Variants in ZNF891 observed in about 807,000 individuals in gnomAD.
The protein encoded by ZNF891 is zinc finger protein 891, also known as hCG1646157.
For synonymous variants in ZNF891, 199 were observed against 209.0 expected (o/e 0.95, Z 0.41); for missense variants, 589 against 632.7 (o/e 0.93, Z 0.74).
Position 133,121,811 on chromosome 12 carries a change from T to C in ZNF891, c.108A>G (p.Thr36=). The part of the protein sequence containing the change: ...EEERMIAVFL[T]TWLQEPMTFK... ...AAGTCATTGGTTCCTGTAACCAGGTTGTCAGAAATACAGCAATCATCCTTT... is the reference window on the plus strand; with the variant it reads ...AAGTCATTGGTTCCTGTAACCAGGTCGTCAGAAATACAGCAATCATCCTTT... The change falls in exon 2 of 2, where the codon ACA becomes ACG. Residue 36 remains threonine (T), a synonymous_variant. Coordinates refer to ENST00000537226, the MANE Select transcript of ZNF891 (RefSeq NM_001277291.2). The C allele has an allele frequency of 1.3e-6, 2 of 1,536,646 alleles. No homozygotes were observed. Among genetic ancestry groups the C allele is most frequent in the Non-Finnish European group, 1.7e-6 (2 of 1,146,854 alleles).
In ZNF891 at chr12:133,106,245, A is replaced by G; in HGVS notation, c.*14039T>C. Reference sequence around the variant, plus strand: ...CACCTTACTCGACATCAGAGCATCCATACAACCAAAACCCCGTATGAATGT... The same window carrying G: ...CACCTTACTCGACATCAGAGCATCCGTACAACCAAAACCCCGTATGAATGT... On this transcript the variant is annotated 3_prime_UTR_variant, in exon 2 of 2. Coordinates refer to ENST00000537226, the MANE Select transcript of ZNF891 (RefSeq NM_001277291.2). 6.2e-7 allele frequency: 1 copy of G among 1,614,248 alleles called. No homozygotes were observed. Among genetic ancestry groups the G allele is most frequent in the Non-Finnish European group, 8.5e-7 (1 of 1,180,044 alleles).
Position 133,106,023 on chromosome 12 carries a change from A to G in ZNF891, c.*14261T>C, listed in dbSNP as rs765990021. 6.2e-7 allele frequency: 1 copy of G among 1,614,198 alleles called. No individual in the cohort carries two copies. Among genetic ancestry groups the G allele is most frequent in the Non-Finnish European group, 8.5e-7 (1 of 1,180,034 alleles). ...GGGGAGAAACCTTATGAATGTACTG[A>G]GTGTGGAAAGGCCTTTAGCCGTGCC... is the stretch of plus-strand genomic sequence containing the variant. On this transcript the variant is annotated 3_prime_UTR_variant, in exon 2 of 2. Transcript: ENST00000537226.
At chr12:133,126,969 C>CTTTTTTTTT (rs543463648) in intron 1 of ZNF891, among the ~76,000 whole-genome samples, 1 of 88,674 alleles carries the variant, frequency 1.1e-5, no homozygotes, top group Non-Finnish European at 2.1e-5. Context: ...TACAGGAAAA[C>CTTTTTTTTT]TTTTTTTTTT....
chr12:133,127,121 G>A (rs942396299), intron 1 of ZNF891, among the ~76,000 whole-genome samples: 1 of 151,488 alleles, frequency 6.6e-6, no homozygotes, highest in East Asian at 2.0e-4. Context: ...CGGCCACCAC[G>A]CCCGGCTAAT....
At chr12:133,122,296 C>G in intron 1 of ZNF891, 1 of 904,224 alleles carries the variant, frequency 1.1e-6, no homozygotes. Context: ...AAAATGTAAA[C>G]TAAAGAGAAC....
At position 133,105,550 on chromosome 12, in the gene ZNF891, A is replaced by T. The variant is rs1470861099; in HGVS notation, c.*14734T>A. The T allele has an allele frequency of 1.9e-6, 3 of 1,610,274 alleles. No individual in the cohort carries two copies. The highest frequency in any genetic ancestry group is 1.7e-5 in the Admixed American group (1 of 58,964). ...GTGAGATCAAAGACTTTTCACCAAA[A>T]AATGTCATTTATGATGACTCATCCC... On this transcript the variant is annotated 3_prime_UTR_variant, in exon 2 of 2. Transcript: ENST00000537226.
rs1955718190 is a variant in ZNF891 at position 133,116,927 on chromosome 12, C to T, written c.*3357G>A. 1 of 152,260 alleles carries T rather than the reference C, an allele frequency of 6.6e-6. No individual in the cohort carries two copies. Among genetic ancestry groups the T allele is most frequent in the Admixed American group, 6.5e-5 (1 of 15,284 alleles). The allele number at this position is 152,260 out of a possible 1,614,324, so 9.4% of individuals were successfully genotyped here. A position where few individuals can be genotyped will look rare whatever the true frequency, so the allele number is the denominator to read the frequency against. The stretch of plus-strand genomic sequence containing the variant: ...GATCAGTATCTTCCTTACTCCCTAA[C>T]ACTGCTTCTAACCATTGCAGCCTGG... On this transcript the variant is annotated 3_prime_UTR_variant, in exon 2 of 2. Coordinates refer to ENST00000537226, the MANE Select transcript of ZNF891 (RefSeq NM_001277291.2).
rs1439829282 is a variant in ZNF891 at position 133,110,252 on chromosome 12, T to A, written c.*10032A>T. 1 of 151,986 alleles carries A rather than the reference T, an allele frequency of 6.6e-6. No homozygotes were observed. The highest frequency in any genetic ancestry group is 2.4e-5 in the African/African-American group (1 of 41,386). 9.4% of individuals were successfully genotyped at this position (151,986 alleles called of 1,614,324 possible). On this transcript the variant is annotated 3_prime_UTR_variant, in exon 2 of 2. Transcript: ENST00000537226. ...AGGAGGGAGACGTTTAAAAGATGAG[T>A]CTAGGAATATTGCAAAAGTAGTAAA...
intron 1 of ZNF891, chr12:133,125,570 G>A (rs1955806790): frequency 9.1e-6 from 2 of 220,108 alleles, no homozygotes; most frequent in African/African-American, 4.7e-5. Context: ...GTGGTGAAAG[G>A]TATTCACAGC....
At chr12:133,122,587 G>A (rs1363449662) in intron 1 of ZNF891, among the ~76,000 whole-genome samples, 1 of 152,128 alleles carries the variant, frequency 6.6e-6, no homozygotes, top group Non-Finnish European at 1.5e-5. Flanking sequence ...CACGCACTGG[G>A]GCCTGTCGGG....
rs781147648 is a variant in ZNF891, at chr12:133,106,256, AC to A, written c.*14027del. 1.2e-6 allele frequency: 2 copies of A among 1,613,990 alleles called. No homozygotes were observed. Among genetic ancestry groups the A allele is most frequent in the South Asian group, 2.2e-5 (2 of 91,064 alleles). ...ACATCAGAGCATCCATACAACCAAAACCCCGTATGAATGTAATGAATGTAGG... is the reference window on the plus strand; with the variant it reads ...ACATCAGAGCATCCATACAACCAAAACCCGTATGAATGTAATGAATGTAGG... On this transcript the variant is annotated 3_prime_UTR_variant, in exon 2 of 2. Coordinates refer to ENST00000537226, the MANE Select transcript of ZNF891 (RefSeq NM_001277291.2).
intron 1 of ZNF891, among the ~76,000 whole-genome samples, chr12:133,126,969 CTTTT>C (rs543463648): frequency 9.0e-5 from 8 of 88,682 alleles, no homozygotes; most frequent in East Asian, 8.0e-4. Context: ...TACAGGAAAA[CTTTT>C]TTTTTTTTTT....
chr12:133,127,254 G>A (rs1305140984), intron 1 of ZNF891, among the ~76,000 whole-genome samples: 1 of 151,958 alleles, frequency 6.6e-6, no homozygotes, highest in Non-Finnish European at 1.5e-5. Flanking sequence ...CGTGAGCCAC[G>A]GTGCCCGGCC....
chr12:133,128,432 G>T (rs1054939086), intron 1 of ZNF891, among the ~76,000 whole-genome samples: 2 of 152,164 alleles, frequency 1.3e-5, no homozygotes, highest in Non-Finnish European at 2.9e-5. Flanking sequence ...AAGAGTTCGA[G>T]ACCAGCCTGG....
At position 133,111,658 on chromosome 12, in the gene ZNF891, T is replaced by C. The variant is rs796783484; in HGVS notation, c.*8626A>G. The stretch of plus-strand genomic sequence containing the variant: ...CAAAACTCCCATGAAACTGTGCTCA[T>C]AGGTAGAAAATATAATTTTATGTAT... On this transcript the variant is annotated 3_prime_UTR_variant, in exon 2 of 2. Transcript: ENST00000537226. 1.6e-4 allele frequency: 25 copies of C among 152,172 alleles called. No homozygotes were observed. The highest frequency in any genetic ancestry group is 5.5e-4 in the African/African-American group (23 of 41,456). The allele number at this position is 152,172 out of a possible 1,614,324, so 9.4% of individuals were successfully genotyped here.
At position 133,109,222 on chromosome 12, in the gene ZNF891, C is replaced by G. The variant is rs1326085236; in HGVS notation, c.*11062G>C. On this transcript the variant is annotated 3_prime_UTR_variant, in exon 2 of 2. Transcript: ENST00000537226. ...AATACATTGGTGAGGAGTTTACCAC[C>G]ATCCTTGGACAACTCTGTGGTACCC... 1 of 152,282 alleles carries G rather than the reference C, an allele frequency of 6.6e-6. No homozygotes were observed. The highest frequency in any genetic ancestry group is 1.9e-4 in the East Asian group (1 of 5,180). 9.4% of individuals were successfully genotyped at this position (152,282 alleles called of 1,614,324 possible). A position where few individuals can be genotyped will look rare whatever the true frequency, so the allele number is the denominator to read the frequency against.
Position 133,106,017 on chromosome 12 carries a change from G to A in ZNF891, c.*14267C>T, listed in dbSNP as rs570468517. 1.9e-6 allele frequency: 3 copies of A among 1,614,122 alleles called. No homozygotes were observed. The South Asian group carries it at 3.3e-5, about 18-fold the overall frequency. The stretch of plus-strand genomic sequence containing the variant: ...CACACTGGGGAGAAACCTTATGAAT[G>A]TACTGAGTGTGGAAAGGCCTTTAGC... On this transcript the variant is annotated 3_prime_UTR_variant, in exon 2 of 2. Coordinates refer to ENST00000537226, the MANE Select transcript of ZNF891 (RefSeq NM_001277291.2).
Position 133,116,064 on chromosome 12 carries a change from C to T in ZNF891, c.*4220G>A, listed in dbSNP as rs1347993549. On this transcript the variant is annotated 3_prime_UTR_variant, in exon 2 of 2. Transcript: ENST00000537226. ...TAACCAAGCAAAGTACAATCCCTTG[C>T]TGAGTACTCCTTAAGATGATCTCAC... The T allele has an allele frequency of 6.6e-6, 1 of 152,132 alleles. No homozygotes were observed. The highest frequency in any genetic ancestry group is 1.5e-5 in the Non-Finnish European group (1 of 68,038). The allele number at this position is 152,132 out of a possible 1,614,324, so 9.4% of individuals were successfully genotyped here.
At chr12:133,123,759 C>CAACAACAAAG (rs1555297856) in intron 1 of ZNF891, among the ~76,000 whole-genome samples, 8 of 148,214 alleles carry the variant, frequency 5.4e-5, no homozygotes, top group Admixed American at 4.1e-4. Context: ...ACAACAACAA[C>CAACAACAAAG]AAAGTTAGGC....
Sources: allele counts gnomAD v4.1 joint callset (sites outside exome capture counted in the v4.1 genomes callset), GRCh38; gene constraint gnomAD v4.1.1; transcripts MANE v1.5; gene names NCBI Gene and HGNC (gene_info 2026-07-23, HGNC 2026-07-21).